Variants in EXOC6 observed in about 807,000 individuals in gnomAD.
EXOC6 encodes the protein SEC15-like 1.
In EXOC6, 60 loss-of-function variants were observed where a neutral mutation model predicts 112.5. That is an observed-to-expected ratio of 0.53 (90% CI 0.43 to 0.66). The LOEUF (loss-of-function observed/expected upper bound fraction) is 0.66, where lower values mean the gene tolerates loss of function less well. Ranked by LOEUF, EXOC6 falls within the 30% of genes least tolerant of loss-of-function variation. The pLI, the probability that EXOC6 is intolerant of heterozygous loss-of-function variation, is 0.00. For synonymous variants in EXOC6, 295 were observed against 308.0 expected, an observed-to-expected ratio of 0.96 and a Z score of 0.44; for missense variants, 855 against 957.1, an observed-to-expected ratio of 0.89 and a Z score of 1.41.
intron 8 of EXOC6, among the ~76,000 whole-genome samples, chr10:92,921,729 C>G (rs980191240): frequency 6.6e-6 from 1 of 150,892 alleles, no homozygotes; most frequent in African/African-American, 2.4e-5. Context: ...CTCACTGCAG[C>G]CTTGACCTCT....
intron 19 of EXOC6, among the ~76,000 whole-genome samples, chr10:92,998,555 A>G (rs1466909012): frequency 6.6e-6 from 1 of 151,900 alleles, no homozygotes; most frequent in Non-Finnish European, 1.5e-5. Flanking sequence ...GCATTGTGCT[A>G]GGAAAAACAT....
At chr10:92,975,474 T>TG (rs565527469) in intron 18 of EXOC6, among the ~76,000 whole-genome samples, 1,836 of 128,000 alleles carry the variant, frequency 0.014, 15 homozygotes, top group Non-Finnish European at 0.019. Context: ...GGGAGGGAGG[T>TG]GGGGGGGGTC....
chr10:92,862,919 G>T (rs74544198), intron 1 of EXOC6, among the ~76,000 whole-genome samples: 1 of 152,100 alleles, frequency 6.6e-6, no homozygotes, highest in Non-Finnish European at 1.5e-5. Context: ...TGGTAATTCT[G>T]TATTTAACTT....
intron 1 of EXOC6, among the ~76,000 whole-genome samples, chr10:92,860,025 G>A (rs535940345): frequency 1.6e-4 from 25 of 152,176 alleles, no homozygotes; most frequent in East Asian, 7.7e-4. Context: ...ACATTGTGCC[G>A]AAAATGTCAA....
intron 1 of EXOC6, among the ~76,000 whole-genome samples, chr10:92,841,700 A>C (rs1009156871): frequency 6.6e-6 from 1 of 152,224 alleles, no homozygotes; most frequent in Non-Finnish European, 1.5e-5. Context: ...TTTTATGTTT[A>C]GGAGCCAAAT....
At chr10:92,974,618 C>T (rs959300064) in intron 18 of EXOC6, among the ~76,000 whole-genome samples, 5 of 152,100 alleles carry the variant, frequency 3.3e-5, no homozygotes, top group African/African-American at 7.3e-5. Context: ...GATGCCGAGC[C>T]GAAGCTGCAC....
At chr10:92,835,258 G>C (rs542683362) in intron 1 of EXOC6, among the ~76,000 whole-genome samples, 2 of 152,242 alleles carry the variant, frequency 1.3e-5, no homozygotes, top group South Asian at 4.1e-4. Flanking sequence ...TGAGTGTATG[G>C]TGACCATTCA....
intron 20 of EXOC6, among the ~76,000 whole-genome samples, chr10:93,016,811 A>G (rs1336920511): frequency 1.3e-5 from 2 of 148,788 alleles, no homozygotes; most frequent in South Asian, 2.1e-4. Flanking sequence ...TACCATGGCT[A>G]TTTTCTTTTT....
intron 9 of EXOC6, among the ~76,000 whole-genome samples, chr10:92,928,629 G>A (rs1293440664): frequency 1.3e-5 from 2 of 149,124 alleles, no homozygotes; most frequent in South Asian, 4.2e-4. Flanking sequence ...ATTCTATTAG[G>A]AAAGATAGAC....
At chr10:92,997,164 A>G (rs1229686341) in intron 18 of EXOC6, among the ~76,000 whole-genome samples, 1 of 152,150 alleles carries the variant, frequency 6.6e-6, no homozygotes, top group Non-Finnish European at 1.5e-5. Context: ...ATGCATTTCT[A>G]AAGTGCTTTC....
intron 20 of EXOC6, among the ~76,000 whole-genome samples, chr10:93,043,263 T>C (rs1845865509): frequency 6.6e-6 from 1 of 152,202 alleles, no homozygotes; most frequent in Non-Finnish European, 1.5e-5. Flanking sequence ...TGCTGACTCA[T>C]GTTAAGTTGT....
At chr10:92,944,046 C>T (rs1301373670) in intron 13 of EXOC6, among the ~76,000 whole-genome samples, 4 of 152,126 alleles carry the variant, frequency 2.6e-5, no homozygotes, top group East Asian at 3.8e-4. Flanking sequence ...ATAATGTCCT[C>T]AAGGTTCATC....
upstream of EXOC6, chr10:92,831,372 T>C (rs368121747): frequency 2.1e-5 from 27 of 1,279,872 alleles, no homozygotes; most frequent in African/African-American, 1.4e-4. Flanking sequence ...GTCAAAGCAA[T>C]AGTGGTTTGT....
intron 19 of EXOC6, 34 bp downstream of exon 19, chr10:92,997,649 C>A: frequency 6.6e-7 from 1 of 1,513,244 alleles, no homozygotes; most frequent in Non-Finnish European, 9.0e-7. Context: ...TTATGTATTA[C>A]TAGGAATCTA....
intron 13 of EXOC6, 92 bp downstream of exon 13, chr10:92,940,916 T>A: frequency 1.2e-6 from 1 of 830,482 alleles, no homozygotes; most frequent in South Asian, 1.6e-5. Flanking sequence ...ATGCTTATAA[T>A]CATTTTTATT....
At chr10:92,835,895 C>T (rs1021380501) in intron 1 of EXOC6, among the ~76,000 whole-genome samples, 22 of 151,974 alleles carry the variant, frequency 1.4e-4, no homozygotes, top group African/African-American at 5.3e-4. Flanking sequence ...AAATATTCTG[C>T]GAAAAAGAGC....
At chr10:92,933,750 GA>G (rs1224076761) in intron 9 of EXOC6, among the ~76,000 whole-genome samples, 2 of 152,106 alleles carry the variant, frequency 1.3e-5, no homozygotes, top group African/African-American at 4.8e-5. Context: ...ATTACTATTT[GA>G]AAAATATCAT....
chr10:92,969,639 T>A (rs1311797474), intron 17 of EXOC6, among the ~76,000 whole-genome samples: 1 of 152,120 alleles, frequency 6.6e-6, no homozygotes, highest in East Asian at 1.9e-4. Flanking sequence ...GTAGTTAGTA[T>A]TAATTTGTGC....
rs771448251 is a variant in EXOC6 at position 92,894,814 on chromosome 10, C to G, written c.294C>G (p.Asn98Lys). The G allele has an allele frequency of 6.2e-7, 1 of 1,613,482 alleles. No individual in the cohort carries two copies. The highest frequency in any genetic ancestry group is 8.5e-7 in the Non-Finnish European group (1 of 1,179,660). Residue 98 changes from asparagine (N) to lysine (K), a missense_variant, in exon 3 of 22, where the codon AAC becomes AAG. By Grantham distance (94) the Asn-to-Lys change is moderately conservative. Transcript: ENST00000260762. ...TTAAGGTGCAAGTTACTGATACCAA[C>G]CGAAGGTTTCAAGATGCTGGAAAAG... ...EKLKVQVTDT[N>K]RRFQDAGKEV... is the part of the protein sequence containing the mutation.
Sources: allele counts gnomAD v4.1 joint callset (sites outside exome capture counted in the v4.1 genomes callset), GRCh38; gene constraint gnomAD v4.1.1; transcripts MANE v1.5; gene names NCBI Gene and HGNC (gene_info 2026-07-23, HGNC 2026-07-21).